Variants in RORA observed in about 807,000 individuals in gnomAD.
The protein encoded by RORA is RAR related orphan receptor A.
In RORA, 7 loss-of-function variants were observed where a neutral mutation model predicts 69.5. That is an observed-to-expected ratio of 0.10 (90% confidence interval 0.06 to 0.19). The LOEUF (loss-of-function observed/expected upper bound fraction) is 0.19, where lower values mean the gene tolerates loss of function less well. Ranked by LOEUF, RORA falls within the 10% of genes least tolerant of loss-of-function variation. The probability of loss-of-function intolerance (pLI) is 1.00; values close to 1 mark genes in which losing one functional copy is unlikely to be tolerated. For missense variants in RORA, 457 were observed against 663.0 expected, an observed-to-expected ratio of 0.69 and a Z score of 3.41; for synonymous variants, 261 against 240.8, an observed-to-expected ratio of 1.08 and a Z score of -0.78.
In RORA at chr15:60,828,300, A is replaced by G. The variant is rs148084653; in HGVS notation, c.167-149614T>C. 7.4e-3 allele frequency among the ~76,000 whole-genome samples: 1,127 copies of G among 152,322 alleles called. 6 individuals carry two copies. The highest frequency in any genetic ancestry group is 0.034 in the Middle Eastern group (10 of 294). On this transcript the variant is annotated intron_variant, in intron 1 of 10. Transcript: ENST00000335670. ...GCGCAGGCAAGTAAAGAGACATGGT[A>G]GGTGAAGAAGGTGGCCCTGCCAATC...
rs557196260 is a variant in RORA, at chr15:61,053,133, G to A, written c.166+175920C>T. On this transcript the variant is annotated intron_variant, in intron 1 of 10. Transcript: ENST00000335670. The stretch of plus-strand genomic sequence containing the variant: ...GAAGAGATAAAACCAGACCTGATCG[G>A]AGCTACTCAATCACTTGGTCCTGAA... 2.6e-5 allele frequency among the ~76,000 whole-genome samples: 4 copies of A among 152,266 alleles called. No individual in the cohort carries two copies. The South Asian group carries it at 6.2e-4, about 24-fold the overall frequency.
At chr15:60,775,792 T>C (rs1274078985) in intron 1 of RORA, among the ~76,000 whole-genome samples, 1 of 152,218 alleles carries the variant, frequency 6.6e-6, no homozygotes, top group Non-Finnish European at 1.5e-5. Flanking sequence ...AATATGCTTA[T>C]GGGACATCAA....
At chr15:60,892,549 C>T (rs2073823856) in intron 1 of RORA, among the ~76,000 whole-genome samples, 1 of 151,952 alleles carries the variant, frequency 6.6e-6, no homozygotes, top group Admixed American at 6.6e-5. Context: ...TGTCTATTAC[C>T]CAGGTTAAAA....
chr15:60,504,769 C>G (rs887830401), intron 6 of RORA, among the ~76,000 whole-genome samples: 7 of 152,208 alleles, frequency 4.6e-5, no homozygotes, highest in Admixed American at 3.3e-4. Flanking sequence ...TATTCGCACT[C>G]TCCATTTCAG....
chr15:61,068,598 G>A (rs1450551694), intron 1 of RORA, among the ~76,000 whole-genome samples: 1 of 152,200 alleles, frequency 6.6e-6, no homozygotes, highest in Non-Finnish European at 1.5e-5. Flanking sequence ...TACAAGCAAA[G>A]CAGAGTAGGT....
intron 2 of RORA, among the ~76,000 whole-genome samples, chr15:60,663,728 T>G (rs1486250008): frequency 2.6e-5 from 4 of 152,214 alleles, no homozygotes; most frequent in Non-Finnish European, 5.9e-5. Context: ...GTGCTGGGAT[T>G]ACAGACATGA....
In RORA at chr15:61,076,405, C is replaced by CAA. The variant is rs5813067; in HGVS notation, c.166+152646_166+152647dup. ...TAAGGAGGGCATCTCTTGATCATCT[C>CAA]AAAAAAAAAAAACGTTTCAACAACT... On this transcript the variant is annotated intron_variant, in intron 1 of 10. Coordinates refer to ENST00000335670, the MANE Select transcript of RORA (RefSeq NM_134261.3). 8.7e-3 allele frequency among the ~76,000 whole-genome samples: 1,234 copies of CAA among 141,972 alleles called. 26 individuals carry two copies. Among genetic ancestry groups the CAA allele is most frequent in the African/African-American group, 0.028 (1,074 of 38,924 alleles). 93.1% of individuals were successfully genotyped at this position (141,972 alleles called of 152,430 possible). A position where few individuals can be genotyped will look rare whatever the true frequency, so the allele number is the denominator to read the frequency against.
At chr15:60,900,750 T>C (rs913171938) in intron 1 of RORA, among the ~76,000 whole-genome samples, 5 of 152,082 alleles carry the variant, frequency 3.3e-5, no homozygotes, top group Non-Finnish European at 7.4e-5. Context: ...TGTGCGCCTG[T>C]AGTCCCAGCT....
intron 1 of RORA, among the ~76,000 whole-genome samples, chr15:61,188,339 T>A (rs1350603169): frequency 6.6e-6 from 1 of 152,202 alleles, no homozygotes; most frequent in Admixed American, 6.5e-5. Flanking sequence ...TGTGTTCGAA[T>A]AAAACTTTAT....
intron 1 of RORA, among the ~76,000 whole-genome samples, chr15:60,975,370 G>A (rs745868018): frequency 6.6e-6 from 1 of 152,186 alleles, no homozygotes; most frequent in Non-Finnish European, 1.5e-5. Context: ...GTCCCGGTCT[G>A]CCAAGTTCCT....
chr15:60,700,087 T>C (rs1244166241), intron 1 of RORA, among the ~76,000 whole-genome samples: 5 of 152,190 alleles, frequency 3.3e-5, no homozygotes, highest in African/African-American at 1.2e-4. Context: ...GGAATTGTGC[T>C]CATTAGGAGA....
At chr15:60,875,983 C>T (rs750001319) in intron 1 of RORA, among the ~76,000 whole-genome samples, 36 of 152,142 alleles carry the variant, frequency 2.4e-4, no homozygotes, top group Non-Finnish European at 3.8e-4. Flanking sequence ...ACTTAAGGAT[C>T]AGGTTCTCTA....
chr15:61,041,082 G>A (rs1819888912), intron 1 of RORA: 1 of 152,100 alleles, frequency 6.6e-6, no homozygotes, highest in East Asian at 1.9e-4. Flanking sequence ...ATGGGGAGAT[G>A]GAAAAAAAAC....
chr15:60,640,340 T>C (rs1432822055), intron 2 of RORA, among the ~76,000 whole-genome samples: 1 of 152,228 alleles, frequency 6.6e-6, no homozygotes, highest in Non-Finnish European at 1.5e-5. Flanking sequence ...TCTATTGTCA[T>C]TGCTGCCATG....
chr15:60,889,802 G>C (rs960969080), intron 1 of RORA, among the ~76,000 whole-genome samples: 5 of 152,198 alleles, frequency 3.3e-5, no homozygotes, highest in African/African-American at 1.2e-4. Context: ...TTATACCAGA[G>C]TTAAATTTCT....
At chr15:60,625,738 T>C (rs1176623541) in intron 2 of RORA, among the ~76,000 whole-genome samples, 2 of 152,244 alleles carry the variant, frequency 1.3e-5, no homozygotes, top group African/African-American at 2.4e-5. Flanking sequence ...TGAATATGTA[T>C]GTTTGAATTC....
intron 2 of RORA, among the ~76,000 whole-genome samples, chr15:60,555,008 G>C (rs2140402393): frequency 6.6e-6 from 1 of 152,168 alleles, no homozygotes; most frequent in African/African-American, 2.4e-5. Context: ...TTATCTCCAA[G>C]AGCTTCCTGT....
chr15:61,023,531 C>A (rs1346295081), intron 1 of RORA, among the ~76,000 whole-genome samples: 1 of 152,166 alleles, frequency 6.6e-6, no homozygotes, highest in Non-Finnish European at 1.5e-5. Context: ...TATGGGAGTA[C>A]AGTTCCAGAT....
chr15:60,767,348 G>C (rs1441096453), intron 1 of RORA, among the ~76,000 whole-genome samples: 2 of 152,044 alleles, frequency 1.3e-5, no homozygotes, highest in African/African-American at 4.8e-5. Flanking sequence ...AAAATTTGGG[G>C]GATACCAGCA....
Sources: gnomAD v4.1 joint callset for allele counts (sites outside exome capture counted in the v4.1 genomes callset) on GRCh38, gnomAD v4.1.1 for gene constraint, MANE v1.5 for transcripts, NCBI Gene and HGNC (gene_info 2026-07-23, HGNC 2026-07-21) for gene names.